CCDC178: variants seen among roughly 807,000 people sequenced by gnomAD.
CCDC178 encodes the protein coiled-coil domain containing 178, also known as coiled-coil domain-containing protein 178.
A neutral mutation model predicts 117.4 loss-of-function variants in CCDC178; 126 were observed. That is an observed-to-expected ratio of 1.07 (90% CI 0.93 to 1.24). The LOEUF is 1.24. CCDC178 is among the 50% of genes most tolerant of loss of function. The pLI is 0.00. For missense variants in CCDC178, 1,030 were observed against 986.9 expected (o/e 1.04, Z -0.59); for synonymous variants, 283 against 313.4 (o/e 0.90, Z 1.02).
At chr18:33,437,302 T>C (rs1306842695) in intron 2 of CCDC178, among the ~76,000 whole-genome samples, 1 of 152,224 alleles carries the variant, frequency 6.6e-6, no homozygotes, top group Non-Finnish European at 1.5e-5. Context: ...GTTTGTCCAT[T>C]AAACAACTTA....
intron 20 of CCDC178, among the ~76,000 whole-genome samples, chr18:33,205,163 C>A (rs1054999090): frequency 1.3e-5 from 2 of 151,814 alleles, no homozygotes; most frequent in African/African-American, 4.8e-5. Flanking sequence ...CAAAAAATAA[C>A]AATGACAAAA....
chr18:33,101,855 C>A (rs145886436), intron 20 of CCDC178, among the ~76,000 whole-genome samples: 21 of 151,820 alleles, frequency 1.4e-4, no homozygotes, highest in African/African-American at 5.1e-4. Context: ...TTGCAAGTTG[C>A]CACTGATGTA....
At chr18:33,145,598 C>T (rs2058258138) in intron 20 of CCDC178, among the ~76,000 whole-genome samples, 1 of 152,132 alleles carries the variant, frequency 6.6e-6, no homozygotes, top group African/African-American at 2.4e-5. Context: ...TCCATAGGCT[C>T]ACACACATTT....
intron 20 of CCDC178, among the ~76,000 whole-genome samples, chr18:33,177,258 C>T (rs188340494): frequency 8.6e-5 from 13 of 152,020 alleles, no homozygotes; most frequent in Admixed American, 2.0e-4. Flanking sequence ...CTAGGGCATG[C>T]GTGGCTTAAC....
intron 21 of CCDC178, among the ~76,000 whole-genome samples, chr18:33,043,286 T>G (rs1358342561): frequency 1.3e-5 from 2 of 152,086 alleles, no homozygotes; most frequent in Non-Finnish European, 2.9e-5. Flanking sequence ...ACTGTCATAT[T>G]GACATTATAC....
chr18:33,412,328 T>C (rs901157131), intron 2 of CCDC178, among the ~76,000 whole-genome samples: 1 of 152,098 alleles, frequency 6.6e-6, no homozygotes, highest in African/African-American at 2.4e-5. Context: ...TTTGATCTTC[T>C]ACTTTGCTAG....
intron 20 of CCDC178, among the ~76,000 whole-genome samples, chr18:33,125,665 T>A (rs2144232049): frequency 6.6e-6 from 1 of 152,054 alleles, no homozygotes; most frequent in South Asian, 2.1e-4. Flanking sequence ...AGAGGAAAAA[T>A]AAAAATAAAT....
At chr18:33,172,099 G>C (rs530000069) in intron 20 of CCDC178, among the ~76,000 whole-genome samples, 1 of 152,198 alleles carries the variant, frequency 6.6e-6, no homozygotes, top group East Asian at 1.9e-4. Context: ...TAGTAGAGGC[G>C]AGGTTTCACC....
chr18:33,265,417 G>A lies in CCDC178; in HGVS notation c.1409+1499C>T, dbSNP rs559572615. Among the ~76,000 whole-genome samples, 49 of 152,186 alleles carry A rather than the reference G, an allele frequency of 3.2e-4. 1 individual carries two copies. The South Asian group carries it at 1.0e-2, about 31-fold the overall frequency. ...GAAGAGATGTGAAAAAGAGAGGCAT[G>A]TGTATCACATGTACATATGACAGAG... On this transcript the variant is annotated intron_variant, in intron 14 of 22. Transcript: ENST00000383096.
intron 21 of CCDC178, among the ~76,000 whole-genome samples, chr18:32,979,648 G>A (rs2055106083): frequency 6.6e-6 from 1 of 152,172 alleles, no homozygotes; most frequent in Admixed American, 6.5e-5. Flanking sequence ...TCATATATGA[G>A]AAAAGAGTGT....
chr18:32,988,579 T>C (rs1281674418), intron 21 of CCDC178, among the ~76,000 whole-genome samples: 1 of 152,002 alleles, frequency 6.6e-6, no homozygotes, highest in Non-Finnish European at 1.5e-5. Context: ...AAATGTAGAT[T>C]AAGAGCTTTT....
intron 21 of CCDC178, among the ~76,000 whole-genome samples, chr18:33,035,402 T>C (rs2056424341): frequency 1.3e-5 from 2 of 151,970 alleles, no homozygotes; most frequent in Non-Finnish European, 2.9e-5. Context: ...ATATCACATA[T>C]ATCCACACAC....
chr18:33,008,245 A>G (rs962127459), intron 21 of CCDC178, among the ~76,000 whole-genome samples: 3 of 152,138 alleles, frequency 2.0e-5, no homozygotes, highest in Non-Finnish European at 4.4e-5. Context: ...ATCTCAAACA[A>G]CTTTTCCTCC....
chr18:33,179,174 T>G (rs2058705734), intron 20 of CCDC178, among the ~76,000 whole-genome samples: 1 of 133,454 alleles, frequency 7.5e-6, no homozygotes, highest in South Asian at 2.3e-4. Context: ...TATATATAGT[T>G]TTAAGGAGCA....
At chr18:32,940,184 AG>A (rs890953807) in intron 22 of CCDC178, among the ~76,000 whole-genome samples, 1 of 152,086 alleles carries the variant, frequency 6.6e-6, no homozygotes, top group African/African-American at 2.4e-5. Flanking sequence ...GATTGATCCA[AG>A]GTCAAACCAA....
intron 22 of CCDC178, among the ~76,000 whole-genome samples, chr18:32,951,666 C>T (rs897657818): frequency 3.3e-5 from 5 of 152,178 alleles, no homozygotes; most frequent in Non-Finnish European, 5.9e-5. Context: ...ATCTCATGTC[C>T]TCACATTTCA....
chr18:33,359,681 C>T (rs1226449660), intron 6 of CCDC178, among the ~76,000 whole-genome samples: 2 of 151,528 alleles, frequency 1.3e-5, no homozygotes, highest in African/African-American at 4.8e-5. Context: ...GATGAAAATA[C>T]CTAATATAAT....
intron 9 of CCDC178, among the ~76,000 whole-genome samples, chr18:33,333,902 A>G (rs1387084020): frequency 2.0e-5 from 3 of 152,214 alleles, no homozygotes; most frequent in African/African-American, 7.2e-5. Context: ...GTTTCATAAG[A>G]TAATAGTTAT....
At chr18:33,138,775 T>A (rs541322962) in intron 20 of CCDC178, among the ~76,000 whole-genome samples, 1 of 152,230 alleles carries the variant, frequency 6.6e-6, no homozygotes, top group African/African-American at 2.4e-5. Flanking sequence ...TAAACCCAGT[T>A]TTGTCTGACT....
Sources: gnomAD v4.1 joint callset for allele counts (sites outside exome capture counted in the v4.1 genomes callset) on GRCh38, gnomAD v4.1.1 for gene constraint, MANE v1.5 for transcripts, NCBI Gene and HGNC (gene_info 2026-07-23, HGNC 2026-07-21) for gene names.